FUNDC1: variants seen among roughly 807,000 people sequenced by gnomAD.
FUNDC1 encodes FUN14 domain-containing protein 1.
Under a neutral mutation model 14.5 loss-of-function variants are expected in FUNDC1, and 10 were observed. The ratio of observed to expected loss-of-function variants is 0.69; its 90% CI spans 0.43 to 1.17. FUNDC1 has a LOEUF of 1.17. FUNDC1 is among the 50% of genes most tolerant of loss of function. The pLI, the probability that FUNDC1 is intolerant of heterozygous loss-of-function variation, is 0.00. For synonymous variants in FUNDC1, 33 were observed against 39.7 expected (o/e 0.83, Z 0.64); for missense variants, 115 against 113.8 (o/e 1.01, Z -0.05).
intron 2 of FUNDC1, among the ~76,000 whole-genome samples, chrX:44,541,433 A>C (rs1320988789): frequency 2.7e-5 from 3 of 111,532 alleles, no homozygotes; most frequent in Non-Finnish European, 5.6e-5. Context: ...CTCTTTTTCA[A>C]AGAGTTATCA....
intron 2 of FUNDC1, among the ~76,000 whole-genome samples, chrX:44,540,114 T>C (rs2038964672): frequency 9.0e-6 from 1 of 110,952 alleles, no homozygotes; most frequent in Non-Finnish European, 1.9e-5. Context: ...CAAGGACCCA[T>C]CCTAATAGTT....
rs763566411 is a variant in FUNDC1 at position 44,537,204 on chromosome X, A to G, written c.261+1263T>C. 7.0e-4 allele frequency among the ~76,000 whole-genome samples: 78 copies of G among 112,012 alleles called. 1 individual carries two copies. The highest frequency in any genetic ancestry group is 2.4e-3 in the African/African-American group (75 of 30,917). On this transcript the variant is annotated intron_variant, in intron 3 of 4. Transcript: ENST00000378045. ...TGGCAATGACAAAATGTGGATTTGA[A>G]TGGTGCATATTGAGTGAACTGAAAT... is the stretch of plus-strand genomic sequence containing the variant.
intron 1 of FUNDC1, 187 bp from the exon 2 acceptor site, chrX:44,542,288 G>A (rs2038975438): frequency 1.2e-5 from 5 of 420,209 alleles, no homozygotes; most frequent in Non-Finnish European, 2.0e-5. Flanking sequence ...AAAGGACCCT[G>A]CAACAATGAC....
At chrX:44,533,844 G>A (rs1381269081) in intron 3 of FUNDC1, among the ~76,000 whole-genome samples, 1 of 108,376 alleles carries the variant, frequency 9.2e-6, no homozygotes, top group East Asian at 2.9e-4. Flanking sequence ...TGGGTGGATC[G>A]CTTGAGCTCA....
At chrX:44,536,908 T>C (rs2038951484) in intron 3 of FUNDC1, among the ~76,000 whole-genome samples, 1 of 112,246 alleles carries the variant, frequency 8.9e-6, no homozygotes, top group Non-Finnish European at 1.9e-5. Context: ...ACACTTGATA[T>C]TGTTACTAGA....
At chrX:44,538,804 C>T (rs2147476788) in intron 2 of FUNDC1, among the ~76,000 whole-genome samples, 1 of 111,460 alleles carries the variant, frequency 9.0e-6, no homozygotes, top group African/African-American at 3.3e-5. Context: ...AGAGCAGCTA[C>T]TAAAATAACG....
At chrX:44,542,125 A>C in intron 1 of FUNDC1, 24 bp from the exon 2 acceptor site, 9 of 1,124,246 alleles carry the variant, frequency 8.0e-6, no homozygotes, top group Non-Finnish European at 1.1e-5. Flanking sequence ...AAATGCAAAA[A>C]ATAAATGTAG....
chrX:44,542,561 G>A (rs1279715876), intron 1 of FUNDC1, among the ~76,000 whole-genome samples: 1 of 110,211 alleles, frequency 9.1e-6, no homozygotes, highest in African/African-American at 3.3e-5. Context: ...GAGATGAAGG[G>A]CCGGAGGTGA....
intron 3 of FUNDC1, among the ~76,000 whole-genome samples, chrX:44,535,669 C>CAAA (rs1224864816): frequency 2.0e-3 from 63 of 32,176 alleles, no homozygotes; most frequent in African/African-American, 2.5e-3. Context: ...GACTCTGTCT[C>CAAA]AAAAAAAAAA....
At chrX:44,531,192 A>G (rs1311716494) in intron 3 of FUNDC1, among the ~76,000 whole-genome samples, 1 of 105,079 alleles carries the variant, frequency 9.5e-6, no homozygotes, top group Non-Finnish European at 2.0e-5. Context: ...GCAGTGACCC[A>G]TGGTCACGCC....
intron 3 of FUNDC1, among the ~76,000 whole-genome samples, chrX:44,534,020 G>A (rs917509694): frequency 2.0e-4 from 22 of 108,091 alleles, no homozygotes; most frequent in Non-Finnish European, 3.8e-4. Context: ...AGCCAAGATC[G>A]CACCACTGCA....
rs1000173795 is a variant in FUNDC1 at position 44,535,032 on chromosome X, G to A, written c.261+3435C>T. ...CATGTGGCACACGCCTGTAATCCCA[G>A]CTACTTGGGAGGCTGAGGCAGGAGG... On this transcript the variant is annotated intron_variant, in intron 3 of 4. Coordinates refer to ENST00000378045, the MANE Select transcript of FUNDC1 (RefSeq NM_173794.4). Among the ~76,000 whole-genome samples, 6 of 111,327 alleles carry A rather than the reference G, an allele frequency of 5.4e-5. No homozygotes were observed. In the Admixed American group the frequency reaches 5.8e-4, roughly 11 times the overall value.
chrX:44,540,414 T>TTTTGTGTG (rs1555923159), intron 2 of FUNDC1, among the ~76,000 whole-genome samples: 1 of 96,651 alleles, frequency 1.0e-5, no homozygotes, highest in African/African-American at 4.0e-5. Context: ...AATGTGTGTG[T>TTTTGTGTG]TGTGTGTGTG....
chrX:44,526,585 T>A (rs964323028), intron 4 of FUNDC1, among the ~76,000 whole-genome samples: 1 of 110,602 alleles, frequency 9.0e-6, no homozygotes, highest in African/African-American at 3.3e-5. Context: ...ACATCTTAAA[T>A]ACTTTGGAAA....
intron 3 of FUNDC1, among the ~76,000 whole-genome samples, chrX:44,528,602 C>A (rs2038910851): frequency 2.7e-5 from 3 of 112,930 alleles, no homozygotes; most frequent in Non-Finnish European, 5.6e-5. Flanking sequence ...TTACTTTTTG[C>A]TGAATCTTAA....
intron 3 of FUNDC1, among the ~76,000 whole-genome samples, chrX:44,531,299 AGATT>A (rs2038923477): frequency 9.6e-5 from 4 of 41,525 alleles, no homozygotes; most frequent in African/African-American, 6.0e-4. Flanking sequence ...TTTCAGATGA[AGATT>A]CATGTTGGCC....
At chrX:44,542,705 T>G (rs1601905414) in intron 1 of FUNDC1, 100 bp downstream of exon 1, 1 of 852,160 alleles carries the variant, frequency 1.2e-6, no homozygotes, top group South Asian at 2.4e-5. Flanking sequence ...AAAATGGAGC[T>G]CGAAGAATCC....
At chrX:44,525,624 G>C (rs1457292903) in intron 4 of FUNDC1, among the ~76,000 whole-genome samples, 1 of 110,448 alleles carries the variant, frequency 9.1e-6, no homozygotes, top group East Asian at 2.9e-4. Flanking sequence ...GGAGGCTGAG[G>C]CAGGCAGGCT....
intron 4 of FUNDC1, among the ~76,000 whole-genome samples, chrX:44,526,171 C>A (rs1346597778): frequency 3.6e-5 from 4 of 111,018 alleles, no homozygotes; most frequent in African/African-American, 1.3e-4. Flanking sequence ...TGGCTCACGC[C>A]CCTAATCCCA....
Sources: gnomAD v4.1 joint callset for allele counts (sites outside exome capture counted in the v4.1 genomes callset) on GRCh38, gnomAD v4.1.1 for gene constraint, MANE v1.5 for transcripts, NCBI Gene and HGNC (gene_info 2026-07-23, HGNC 2026-07-21) for gene names.